Variants in ZNF789 observed in about 807,000 individuals in gnomAD.
ZNF789 encodes zinc finger protein 789.
A neutral mutation model predicts 15.6 loss-of-function variants in ZNF789; 11 were observed. The ratio of observed to expected loss-of-function variants is 0.70; its 90% CI spans 0.44 to 1.16. ZNF789 has a LOEUF of 1.16. Among genes scored for constraint, ZNF789 ranks in the 50% most tolerant of loss-of-function variants. The pLI, the probability that ZNF789 is intolerant of heterozygous loss-of-function variation, is 0.00. For synonymous variants in ZNF789, 159 were observed against 176.0 expected, an observed-to-expected ratio of 0.90 and a Z score of 0.76; for missense variants, 461 against 512.6, an observed-to-expected ratio of 0.90 and a Z score of 0.97.
chr7:99,477,040 G>A (rs1157971772), intron 2 of ZNF789, among the ~76,000 whole-genome samples: 1 of 151,752 alleles, frequency 6.6e-6, no homozygotes, highest in Non-Finnish European at 1.5e-5. Context: ...AAGAGACTGA[G>A]TTGTTTTGTC....
chr7:99,481,436 A>G (rs1799621868), intron 3 of ZNF789: 1 of 152,158 alleles, frequency 6.6e-6, no homozygotes, highest in Non-Finnish European at 1.5e-5. Flanking sequence ...TGTTTTGCAT[A>G]TCCAATAGTA....
At chr7:99,479,568 A>G in intron 2 of ZNF789, 93 bp from the exon 3 acceptor site, 1 of 1,448,570 alleles carries the variant, frequency 6.9e-7, no homozygotes, top group Non-Finnish European at 9.1e-7. Context: ...CCCACACTCT[A>G]CCTCCCAAAC....
At chr7:99,483,717 A>C in intron 3 of ZNF789, 1 of 781,076 alleles carries the variant, frequency 1.3e-6, no homozygotes, top group Non-Finnish European at 2.4e-6. Context: ...GCTTGATTTA[A>C]TTGTTCCCTT....
At chr7:99,473,403 AG>A (rs1799127921) in intron 1 of ZNF789, among the ~76,000 whole-genome samples, 1 of 152,180 alleles carries the variant, frequency 6.6e-6, no homozygotes. Flanking sequence ...GTGCATGCAG[AG>A]GAACAGCTGG....
Position 99,486,517 on chromosome 7 carries a change from CAG to C in ZNF789, c.309_310del (p.Lys104IlefsTer3), listed in dbSNP as rs752088595. On this transcript the variant is annotated frameshift_variant, in exon 5 of 5. Coordinates refer to ENST00000331410, the MANE Select transcript of ZNF789 (RefSeq NM_213603.3). LOFTEE classifies it low-confidence loss of function (END_TRUNC). Reference sequence around the variant, plus strand: ...CAAGATGAAAAAGCTAACTCCAAAACAGAAATTTTCTGAAGATTTAGAGTCAT... The same window carrying C: ...CAAGATGAAAAAGCTAACTCCAAAACAAATTTTCTGAAGATTTAGAGTCAT... The part of the protein sequence containing the change: ...RHKMKKLTPK[Q>X]KFSEDLESYK... 1.2e-6 allele frequency: 2 copies of C among 1,613,034 alleles called. No individual in the cohort carries two copies. The highest frequency in any genetic ancestry group is 2.7e-5 in the African/African-American group (2 of 74,914).
In ZNF789 at chr7:99,486,740, A is replaced by T. The variant is rs1799976127; in HGVS notation, c.530A>T (p.Glu177Val). 6.2e-7 allele frequency: 1 copy of T among 1,614,148 alleles called. No individual in the cohort carries two copies. Residue 177 changes from glutamate (E) to valine (V), a missense_variant, in exon 5 of 5, where the codon GAG becomes GTG. Transcript: ENST00000331410. Reference sequence around the variant, plus strand: ...AGGTGGAAGCAGGGCAGATATGATGAGGATGGCAAACCCTTCAATCAAAGA... The same window carrying T: ...AGGTGGAAGCAGGGCAGATATGATGTGGATGGCAAACCCTTCAATCAAAGA... ...QTRWKQGRYD[E>V]DGKPFNQRSL...
At chr7:99,476,245 G>A (rs1799328128) in intron 1 of ZNF789, 158 bp from the exon 2 acceptor site, 1 of 551,036 alleles carries the variant, frequency 1.8e-6, no homozygotes. Context: ...TAGACTTATT[G>A]TAGCGGCTCA....
chr7:99,478,356 G>A (rs1469499747), intron 2 of ZNF789: 1 of 1,289,634 alleles, frequency 7.8e-7, no homozygotes, highest in Non-Finnish European at 1.0e-6. Context: ...TCTGGATAAT[G>A]GTGAGAAAGG....
chr7:99,478,413 A>G (rs1337192955), intron 2 of ZNF789: 4 of 1,266,562 alleles, frequency 3.2e-6, no homozygotes, highest in Admixed American at 4.6e-5. Flanking sequence ...GCAGGAAAGA[A>G]AGTCCGTATA....
At chr7:99,484,626 A>T (rs548704563) in intron 4 of ZNF789, among the ~76,000 whole-genome samples, 9 of 151,120 alleles carry the variant, frequency 6.0e-5, no homozygotes, top group African/African-American at 9.7e-5. Context: ...TCAATTAAAA[A>T]ATATATATAT....
chr7:99,476,942 C>A (rs10274078), intron 2 of ZNF789, among the ~76,000 whole-genome samples: 1 of 152,162 alleles, frequency 6.6e-6, no homozygotes, highest in Admixed American at 6.5e-5. Context: ...GTGTAAGGAA[C>A]TTCTCATAAT....
intron 2 of ZNF789, 96 bp from the exon 3 acceptor site, chr7:99,479,563 ACT>A: frequency 7.0e-7 from 1 of 1,433,314 alleles, no homozygotes; most frequent in South Asian, 1.5e-5. Context: ...CTTGGCCCAC[ACT>A]CTACCTCCCA....
chr7:99,483,372 A>G (rs111717672), intron 3 of ZNF789, among the ~76,000 whole-genome samples: 2,663 of 151,064 alleles, frequency 0.018, 75 homozygotes, highest in African/African-American at 0.061. Context: ...GCTCAAGCCT[A>G]TAATCCCAGC....
intron 3 of ZNF789, among the ~76,000 whole-genome samples, chr7:99,482,680 C>T (rs1371665980): frequency 6.6e-6 from 1 of 151,472 alleles, no homozygotes; most frequent in Non-Finnish European, 1.5e-5. Context: ...CATGGAGAAA[C>T]CCTGTCTCTA....
intron 2 of ZNF789, 26 bp from the exon 3 acceptor site, chr7:99,479,635 G>C (rs745447747): frequency 6.4e-7 from 1 of 1,569,706 alleles, no homozygotes; most frequent in Non-Finnish European, 8.6e-7. Context: ...AAGAATTGCA[G>C]TTACCTTTAT....
chr7:99,477,452 C>G (rs1799395439), intron 2 of ZNF789, among the ~76,000 whole-genome samples: 1 of 151,760 alleles, frequency 6.6e-6, no homozygotes, highest in Admixed American at 6.6e-5. Context: ...GTGATCCTCC[C>G]ACCTCAGCCT....
chr7:99,480,094 G>A, intron 3 of ZNF789: 1 of 370,112 alleles, frequency 2.7e-6, no homozygotes, highest in South Asian at 1.0e-4. Context: ...GGGATTCCGA[G>A]GCGGGTGGAT....
At chr7:99,485,499 GT>G in intron 4 of ZNF789, 1 of 487,242 alleles carries the variant, frequency 2.1e-6, no homozygotes, top group Non-Finnish European at 3.6e-6. Context: ...CCTATACTTT[GT>G]CCATTTTTAA....
At chr7:99,473,678 T>C (rs907315190) in intron 1 of ZNF789, among the ~76,000 whole-genome samples, 1 of 152,206 alleles carries the variant, frequency 6.6e-6, no homozygotes, top group African/African-American at 2.4e-5. Context: ...TGGAGTACAA[T>C]GGGCCAATCT....
Sources: allele counts gnomAD v4.1 joint callset (sites outside exome capture counted in the v4.1 genomes callset), GRCh38; gene constraint gnomAD v4.1.1; transcripts MANE v1.5; gene names NCBI Gene and HGNC (gene_info 2026-07-23, HGNC 2026-07-21).